Variants in CFAP53 observed in about 807,000 individuals in gnomAD.
CFAP53 encodes the protein cilia and flagella associated protein 53.
A neutral mutation model predicts 59.7 loss-of-function variants in CFAP53; 62 were observed. That is an observed-to-expected ratio of 1.04 (90% CI 0.85 to 1.28). CFAP53 has a LOEUF of 1.28. Among genes scored for constraint, CFAP53 ranks in the 50% most tolerant of loss-of-function variants. CFAP53 has a pLI of 0.00. For synonymous variants in CFAP53, 218 were observed against 205.7 expected (o/e 1.06, Z -0.51); for missense variants, 629 against 615.6 (o/e 1.02, Z -0.23).
chr18:50,233,746 A>G (rs1467721851), intron 7 of CFAP53, among the ~76,000 whole-genome samples: 1 of 152,248 alleles, frequency 6.6e-6, no homozygotes, highest in African/African-American at 2.4e-5. Flanking sequence ...ACACAGCACT[A>G]ACTTCTGGAT....
At chr18:50,261,288 C>T (rs1463771312) in intron 2 of CFAP53, 51 bp from the exon 3 acceptor site, 2 of 1,439,510 alleles carry the variant, frequency 1.4e-6, no homozygotes, top group African/African-American at 1.5e-5. Flanking sequence ...TGTCATGCTA[C>T]ATGCATCGTT....
At chr18:50,243,979 AT>A (rs1186042411) in intron 5 of CFAP53, among the ~76,000 whole-genome samples, 9 of 151,940 alleles carry the variant, frequency 5.9e-5, no homozygotes, top group Admixed American at 2.0e-4. Context: ...AACAAAAAAA[AT>A]CAAGGGCCGA....
rs766960984 is a variant in CFAP53, at chr18:50,227,412, C to A, written c.1514G>T (p.Arg505Leu). ...TGGAAGCTTACTGGGGCATGCCTTG[C>A]GCATGGGATGAATGTTTTGAGGCAG... ...QVLPQNIHPM[R>L]KACPSKLPP The change falls in exon 8 of 8, where the codon CGC becomes CTC. Residue 505 changes from arginine to leucine, a missense_variant. Physicochemically the swap from Arg to Leu is moderately radical, Grantham distance 102. Coordinates refer to ENST00000398545, the MANE Select transcript of CFAP53 (RefSeq NM_145020.5). 5.6e-6 allele frequency: 9 copies of A among 1,613,836 alleles called. No homozygotes were observed. The African/African-American group carries it at 9.3e-5, about 17-fold the overall frequency.
intron 5 of CFAP53, among the ~76,000 whole-genome samples, chr18:50,247,706 C>CA (rs2033758288): frequency 6.6e-6 from 1 of 152,170 alleles, no homozygotes; most frequent in Non-Finnish European, 1.5e-5. Context: ...AGAAGACAGT[C>CA]AACAGGTCAC....
chr18:50,240,794 G>A (rs2033683429), intron 6 of CFAP53, among the ~76,000 whole-genome samples: 1 of 152,210 alleles, frequency 6.6e-6, no homozygotes, highest in African/African-American at 2.4e-5. Context: ...ATTAATGAAT[G>A]GGACCAGGAT....
intron 3 of CFAP53, among the ~76,000 whole-genome samples, chr18:50,252,191 C>T (rs1022164243): frequency 6.6e-6 from 1 of 152,106 alleles, no homozygotes; most frequent in African/African-American, 2.4e-5. Flanking sequence ...GTAAGCTCTA[C>T]CTCTCGGGTT....
At chr18:50,251,373 G>A (rs1389015115) in intron 4 of CFAP53, 108 bp downstream of exon 4, 4 of 945,446 alleles carry the variant, frequency 4.2e-6, no homozygotes, top group Non-Finnish European at 6.4e-6. Context: ...ATGGAAATGT[G>A]CCTGTGAACT....
chr18:50,229,448 A>G (rs1336365644), intron 7 of CFAP53, among the ~76,000 whole-genome samples: 1 of 152,208 alleles, frequency 6.6e-6, no homozygotes, highest in African/African-American at 2.4e-5. Context: ...ATATTCCATC[A>G]TAAATATATA....
chr18:50,266,415 C>G lies in CFAP53; in HGVS notation c.-11G>C, dbSNP rs1237075088. ...CCGCTGGCTGTACATTTTCGAGTCCCCTTCGGGACGGGGGCGGCGTCCGCC... is the reference window on the plus strand; with the variant it reads ...CCGCTGGCTGTACATTTTCGAGTCCGCTTCGGGACGGGGGCGGCGTCCGCC... On this transcript the variant is annotated 5_prime_UTR_variant, in exon 1 of 8. Coordinates refer to ENST00000398545, the MANE Select transcript of CFAP53 (RefSeq NM_145020.5). 2 of 1,614,172 alleles carry G rather than the reference C, an allele frequency of 1.2e-6. No homozygotes were observed. Among genetic ancestry groups the G allele is most frequent in the East Asian group, 2.2e-5 (1 of 44,888 alleles).
rs146792588 is a variant in CFAP53 at position 50,258,712 on chromosome 18, G to T, written c.473+2352C>A. Among the ~76,000 whole-genome samples the T allele has an allele frequency of 4.8e-3, 738 of 152,262 alleles. 3 individuals carry two copies. The highest frequency in any genetic ancestry group is 7.4e-3 in the Non-Finnish European group (503 of 68,002). ...TATTTGCAAACTATCCCTCTGAAAA[G>T]AGATTAATAACCAGAATATATAAGG... On this transcript the variant is annotated intron_variant, in intron 3 of 7. Coordinates refer to ENST00000398545, the MANE Select transcript of CFAP53 (RefSeq NM_145020.5).
At chr18:50,266,064 G>A (rs112413125) in intron 1 of CFAP53, among the ~76,000 whole-genome samples, 36 of 152,306 alleles carry the variant, frequency 2.4e-4, no homozygotes, top group African/African-American at 8.2e-4. Flanking sequence ...GATCCCTAGT[G>A]GTGATTCTCC....
At chr18:50,239,458 A>G (rs2033668014) in intron 6 of CFAP53, among the ~76,000 whole-genome samples, 1 of 152,238 alleles carries the variant, frequency 6.6e-6, no homozygotes, top group Non-Finnish European at 1.5e-5. Context: ...AATAATAAAT[A>G]CAACTGGCTA....
chr18:50,241,552 T>C (rs1321250140), intron 6 of CFAP53, among the ~76,000 whole-genome samples: 1 of 152,110 alleles, frequency 6.6e-6, no homozygotes, highest in South Asian at 2.1e-4. Context: ...TTTCCCTAAG[T>C]GTCGGCTGGT....
intron 5 of CFAP53, among the ~76,000 whole-genome samples, chr18:50,246,014 C>T (rs1415828118): frequency 1.3e-5 from 2 of 152,112 alleles, no homozygotes; most frequent in African/African-American, 4.8e-5. Context: ...CTCAGCCTCC[C>T]AAGTAGCTGG....
intron 5 of CFAP53, among the ~76,000 whole-genome samples, chr18:50,250,552 C>G (rs372217399): frequency 9.2e-5 from 14 of 152,256 alleles, no homozygotes; most frequent in African/African-American, 3.4e-4. Context: ...GATTTCCTGC[C>G]CCTGTCATGA....
rs2033799682 is a variant in CFAP53 at position 50,251,523 on chromosome 18, C to T, written c.735G>A (p.Arg245=). The stretch of plus-strand genomic sequence containing the variant: ...CTTCCTTCAGCAGCTGTGTCGCCTG[C>T]CTTTGTGCCTTGATGCTGGTGATCT... The part of the protein sequence containing the change: ...NAQITSIKAQ[R]QATQLLKEEE... Residue 245 remains arginine (R), a synonymous_variant, in exon 4 of 8, where the codon AGG becomes AGA. Transcript: ENST00000398545. The T allele has an allele frequency of 1.9e-6, 3 of 1,613,986 alleles. No homozygotes were observed. Among genetic ancestry groups the T allele is most frequent in the African/African-American group, 1.3e-5 (1 of 74,940 alleles).
chr18:50,242,834 T>C (rs2033703969), intron 6 of CFAP53, 66 bp downstream of exon 6: 3 of 1,259,750 alleles, frequency 2.4e-6, no homozygotes, highest in Non-Finnish European at 3.4e-6. Flanking sequence ...TGGTTGTTAG[T>C]ATTTTGGTTG....
chr18:50,240,731 T>A (rs563337027), intron 6 of CFAP53, among the ~76,000 whole-genome samples: 1 of 152,246 alleles, frequency 6.6e-6, no homozygotes, highest in African/African-American at 2.4e-5. Flanking sequence ...AAAAGTTCCA[T>A]CTAATATTGG....
chr18:50,230,235 A>C (rs146921983), intron 7 of CFAP53, among the ~76,000 whole-genome samples: 2 of 152,330 alleles, frequency 1.3e-5, no homozygotes, highest in African/African-American at 4.8e-5. Flanking sequence ...ATTTTATGCT[A>C]ATAAGCTGAC....
Sources: gnomAD v4.1 joint callset for allele counts (sites outside exome capture counted in the v4.1 genomes callset) on GRCh38, gnomAD v4.1.1 for gene constraint, MANE v1.5 for transcripts, NCBI Gene and HGNC (gene_info 2026-07-23, HGNC 2026-07-21) for gene names.